SEMA3C: variants seen among roughly 807,000 people sequenced by gnomAD.
The protein encoded by SEMA3C is semaphorin-3C.
SEMA3C carries 47 observed loss-of-function variants against 89.4 expected under a neutral mutation model. That is an observed-to-expected ratio of 0.53 (90% CI 0.42 to 0.67). SEMA3C has a LOEUF of 0.67. Ranked by LOEUF, SEMA3C falls within the 30% of genes least tolerant of loss-of-function variation. The probability of loss-of-function intolerance (pLI) is 0.00; values close to 1 mark genes in which losing one functional copy is unlikely to be tolerated. For synonymous variants in SEMA3C, 310 were observed against 320.2 expected (o/e 0.97, Z 0.34); for missense variants, 839 against 929.1 (o/e 0.90, Z 1.26).
At chr7:80,789,240 C>G (rs1788875500) in intron 12 of SEMA3C, 66 bp downstream of exon 12, 1 of 1,277,030 alleles carries the variant, frequency 7.8e-7, no homozygotes, top group Non-Finnish European at 1.1e-6. Flanking sequence ...TGGCCCTTAC[C>G]TACTACCTAT....
chr7:80,814,568 G>T (rs529170524), intron 5 of SEMA3C, among the ~76,000 whole-genome samples: 1 of 151,690 alleles, frequency 6.6e-6, no homozygotes, highest in African/African-American at 2.4e-5. Flanking sequence ...TGACTCACAC[G>T]TGTATATACT....
intron 12 of SEMA3C, 128 bp downstream of exon 12, chr7:80,789,178 C>T: frequency 1.5e-6 from 1 of 673,546 alleles, no homozygotes; most frequent in Non-Finnish European, 2.5e-6. Flanking sequence ...TTAAATATCT[C>T]ACTAAGGGCT....
chr7:80,868,553 G>A (rs955291464), intron 2 of SEMA3C, among the ~76,000 whole-genome samples: 2 of 152,176 alleles, frequency 1.3e-5, no homozygotes, highest in African/African-American at 4.8e-5. Flanking sequence ...ACAGGTGTGA[G>A]CCACTGCACC....
chr7:80,805,791 T>C (rs745769326), intron 6 of SEMA3C, 33 bp from the exon 7 acceptor site: 2 of 1,524,510 alleles, frequency 1.3e-6, no homozygotes, highest in Non-Finnish European at 1.8e-6. Context: ...GAAATGTAAA[T>C]TTTTAAAGCT....
intron 2 of SEMA3C, among the ~76,000 whole-genome samples, chr7:80,841,527 A>G (rs1010656053): frequency 1.3e-5 from 2 of 152,138 alleles, no homozygotes; most frequent in African/African-American, 4.8e-5. Context: ...ACCTAATAAA[A>G]TGCTGAACTA....
At chr7:80,905,955 G>GTTTTTT in intron 2 of SEMA3C, 1 of 1,082,726 alleles carries the variant, frequency 9.2e-7, no homozygotes, top group Non-Finnish European at 1.2e-6. Flanking sequence ...ATTTTGTTTT[G>GTTTTTT]TTTTTTTTTT....
At chr7:80,897,078 C>G (rs550516730) in intron 2 of SEMA3C, among the ~76,000 whole-genome samples, 1 of 152,284 alleles carries the variant, frequency 6.6e-6, no homozygotes, top group East Asian at 1.9e-4. Context: ...CCTGACTCAA[C>G]CACTGGCACA....
chr7:80,782,621 C>T (rs1437981057), intron 12 of SEMA3C, among the ~76,000 whole-genome samples: 1 of 152,156 alleles, frequency 6.6e-6, no homozygotes, highest in Non-Finnish European at 1.5e-5. Flanking sequence ...TATATATTAA[C>T]TGCTATCTCT....
In SEMA3C at chr7:80,842,899, A is replaced by C. The variant is rs73139756; in HGVS notation, c.104-14154T>G. The stretch of plus-strand genomic sequence containing the variant: ...TATAAACTGTATTCCCTAATTTTAA[A>C]ACTCTGCAAGCTTTGTTACTTCATC... On this transcript the variant is annotated intron_variant, in intron 2 of 17. Coordinates refer to ENST00000265361, the MANE Select transcript of SEMA3C (RefSeq NM_006379.5). Among the ~76,000 whole-genome samples, 1,213 of 152,262 alleles carry C rather than the reference A, an allele frequency of 8.0e-3. 7 individuals carry two copies. Among genetic ancestry groups the C allele is most frequent in the Non-Finnish European group, 0.013 (886 of 67,990 alleles).
chr7:80,810,016 A>G (rs1283714643), intron 6 of SEMA3C, among the ~76,000 whole-genome samples: 6 of 152,148 alleles, frequency 3.9e-5, no homozygotes, highest in Non-Finnish European at 8.8e-5. Context: ...GTGATCTACT[A>G]TACTGCACAG....
At chr7:80,921,519 C>T (rs955904156), upstream of SEMA3C, among the ~76,000 whole-genome samples, 7 of 152,180 alleles carry the variant, frequency 4.6e-5, no homozygotes, top group Admixed American at 4.6e-4. Flanking sequence ...AGAAACATTT[C>T]TGGGCACTAC....
At chr7:80,829,355 C>CA (rs941018499) in intron 2 of SEMA3C, among the ~76,000 whole-genome samples, 17 of 151,338 alleles carry the variant, frequency 1.1e-4, no homozygotes, top group African/African-American at 2.7e-4. Context: ...ATAAATAAAC[C>CA]AAAAAAAATA....
intron 2 of SEMA3C, among the ~76,000 whole-genome samples, chr7:80,842,842 ATCTG>A (rs1270312156): frequency 1.3e-5 from 2 of 152,292 alleles, no homozygotes; most frequent in East Asian, 1.9e-4. Flanking sequence ...CTAGTGCAGA[ATCTG>A]TCTTTCTGTT....
Position 80,743,260 on chromosome 7 carries a change from T to C in SEMA3C, c.*1634A>G, listed in dbSNP as rs1406118701. On this transcript the variant is annotated 3_prime_UTR_variant, in exon 18 of 18. Transcript: ENST00000265361. ...TGGTGTTATGTCAGCATTTTAACTA[T>C]TTTTGCTATAGCGAGGCCTCCTCAT... is the stretch of plus-strand genomic sequence containing the variant. 1 of 151,928 alleles carries C rather than the reference T, an allele frequency of 6.6e-6. No homozygotes were observed. Among genetic ancestry groups the C allele is most frequent in the African/African-American group, 2.4e-5 (1 of 41,434 alleles). The allele number at this position is 151,928 out of a possible 1,614,324, so 9.4% of individuals were successfully genotyped here.
chr7:80,834,254 A>G (rs1346318439), intron 2 of SEMA3C, among the ~76,000 whole-genome samples: 2 of 152,158 alleles, frequency 1.3e-5, no homozygotes, highest in Non-Finnish European at 2.9e-5. Flanking sequence ...GTAGAGCTCC[A>G]TGATGGAAAA....
intron 11 of SEMA3C, among the ~76,000 whole-genome samples, chr7:80,795,492 G>C (rs889311059): frequency 3.9e-5 from 6 of 152,266 alleles, no homozygotes; most frequent in Middle Eastern, 3.4e-3. Context: ...GTCTGTTGCA[G>C]ATGTGTGTTG....
chr7:80,756,278 C>A (rs1206661100), intron 15 of SEMA3C, among the ~76,000 whole-genome samples: 2 of 152,168 alleles, frequency 1.3e-5, no homozygotes, highest in South Asian at 2.1e-4. Flanking sequence ...TAACCTCCCA[C>A]ATCCAAATAT....
chr7:80,806,488 A>G (rs1436365747), intron 6 of SEMA3C, among the ~76,000 whole-genome samples: 3 of 152,164 alleles, frequency 2.0e-5, no homozygotes, highest in Non-Finnish European at 2.9e-5. Context: ...TACTTTTTCA[A>G]CTGCAACTCA....
intron 4 of SEMA3C, among the ~76,000 whole-genome samples, chr7:80,821,666 T>C (rs932839693): frequency 6.6e-6 from 1 of 151,936 alleles, no homozygotes; most frequent in African/African-American, 2.4e-5. Context: ...AATACTGATA[T>C]AACTTTTTAG....
Sources: allele counts gnomAD v4.1 joint callset (sites outside exome capture counted in the v4.1 genomes callset), GRCh38; gene constraint gnomAD v4.1.1; transcripts MANE v1.5; gene names NCBI Gene and HGNC (gene_info 2026-07-23, HGNC 2026-07-21).